The following ABCA1 variants were observed in gnomAD, a reference collection of about 807,000 sequenced individuals.
ABCA1 encodes the protein ATP binding cassette subfamily A member 1, also known as phospholipid-transporting ATPase ABCA1.
A neutral mutation model predicts 262.5 loss-of-function variants in ABCA1; 133 were observed. The ratio of observed to expected loss-of-function variants is 0.51; its 90% confidence interval spans 0.44 to 0.59. The LOEUF is 0.59. Among genes scored for constraint, ABCA1 ranks in the 20% least tolerant of loss-of-function variants. ABCA1 has a pLI of 0.00. For missense variants in ABCA1, 2,452 were observed against 2,777.5 expected (o/e 0.88, Z 2.63); for synonymous variants, 1,022 against 1,043.5 (o/e 0.98, Z 0.40).
At chr9:104,847,356 T>C (rs1055251322) in intron 7 of ABCA1, among the ~76,000 whole-genome samples, 1 of 152,200 alleles carries the variant, frequency 6.6e-6, no homozygotes, top group Non-Finnish European at 1.5e-5. Flanking sequence ...AAGTTTAAAA[T>C]GCTGTGCACA....
intron 7 of ABCA1, among the ~76,000 whole-genome samples, chr9:104,849,415 A>G (rs1835185674): frequency 1.3e-5 from 2 of 152,240 alleles, no homozygotes; most frequent in Admixed American, 6.5e-5. Context: ...TTGGTCTCCA[A>G]CAGAAACATT....
At chr9:104,841,684 G>T (rs1197990040) in intron 8 of ABCA1, among the ~76,000 whole-genome samples, 1 of 152,070 alleles carries the variant, frequency 6.6e-6, no homozygotes, top group Non-Finnish European at 1.5e-5. Context: ...ACAACAGTGT[G>T]TGGTGAGGCA....
intron 5 of ABCA1, among the ~76,000 whole-genome samples, chr9:104,862,772 G>C (rs1170943895): frequency 1.1e-5 from 1 of 91,744 alleles, no homozygotes; most frequent in African/African-American, 3.5e-5. Flanking sequence ...CTGATACAGC[G>C]GCCCTGGGAT....
chr9:104,820,158 T>C, intron 20 of ABCA1, 89 bp from the exon 21 acceptor site: 3 of 1,493,280 alleles, frequency 2.0e-6, no homozygotes, highest in Non-Finnish European at 2.8e-6. Context: ...AGAATGGGCA[T>C]ATTTTTCTCT....
At chr9:104,900,315 A>G (rs1322187741) in intron 2 of ABCA1, among the ~76,000 whole-genome samples, 3 of 152,188 alleles carry the variant, frequency 2.0e-5, no homozygotes, top group African/African-American at 7.2e-5. Flanking sequence ...CCACTCATTC[A>G]GTAAATACTT....
chr9:104,856,943 C>A (rs531467558), intron 7 of ABCA1, among the ~76,000 whole-genome samples: 4 of 152,294 alleles, frequency 2.6e-5, no homozygotes, highest in Admixed American at 6.5e-5. Context: ...AAGTCAGCTT[C>A]TCTAACTTTT....
intron 5 of ABCA1, among the ~76,000 whole-genome samples, chr9:104,877,167 T>C (rs1238314505): frequency 6.6e-6 from 1 of 152,208 alleles, no homozygotes; most frequent in Non-Finnish European, 1.5e-5. Flanking sequence ...GCCAAGACTT[T>C]TTGAAGAACT....
rs777928184 is a variant in ABCA1, at chr9:104,800,573, T to C, written c.4710A>G (p.Ala1570=). 6.2e-7 allele frequency: 1 copy of C among 1,614,184 alleles called. No individual in the cohort carries two copies. The highest frequency in any genetic ancestry group is 8.5e-7 in the Non-Finnish European group (1 of 1,179,988). The change falls in exon 35 of 50, where the codon GCA becomes GCG. Residue 1570 remains alanine, a synonymous_variant. Transcript: ENST00000374736. The stretch of plus-strand genomic sequence containing the variant: ...TTCCCAAGCTGTTGAGAAATCGATC[T>C]GCAGAACTGTCCTGTAAACAACAGA... The part of the protein sequence containing the change: ...KHLKLAKDSS[A]DRFLNSLGRF...
chr9:104,791,616 G>A (rs1466539728), intron 43 of ABCA1, among the ~76,000 whole-genome samples: 1 of 152,082 alleles, frequency 6.6e-6, no homozygotes, highest in Non-Finnish European at 1.5e-5. Context: ...TAGTAGAGAT[G>A]GGGTTTCACC....
intron 11 of ABCA1, among the ~76,000 whole-genome samples, chr9:104,834,949 T>G (rs1471953999): frequency 1.3e-5 from 2 of 152,106 alleles, no homozygotes; most frequent in Non-Finnish European, 2.9e-5. Flanking sequence ...ATAAACACTC[T>G]TTAAGAGAGG....
Position 104,920,230 on chromosome 9 carries a change from G to A in ABCA1, c.-93+7705C>T, listed in dbSNP as rs577575966. On this transcript the variant is annotated intron_variant, in intron 1 of 49. Transcript: ENST00000374736. Reference sequence around the variant, plus strand: ...AAATTTGGATTATATGAGCCCATGTGTATTTTTTCTGAAGAGAAAATCCGT... The same window carrying A: ...AAATTTGGATTATATGAGCCCATGTATATTTTTTCTGAAGAGAAAATCCGT... Among the ~76,000 whole-genome samples the A allele has an allele frequency of 3.0e-4, 46 of 152,306 alleles. No individual in the cohort carries two copies. The South Asian group carries it at 9.3e-3, about 31-fold the overall frequency.
intron 46 of ABCA1, among the ~76,000 whole-genome samples, chr9:104,787,330 T>A (rs1283420751): frequency 6.6e-6 from 1 of 152,120 alleles, no homozygotes; most frequent in African/African-American, 2.4e-5. Flanking sequence ...GAAGTCAGTA[T>A]AAGATTGGGG....
intron 5 of ABCA1, among the ~76,000 whole-genome samples, chr9:104,877,610 G>A (rs187464933): frequency 5.9e-5 from 9 of 152,398 alleles, no homozygotes; most frequent in Non-Finnish European, 1.2e-4. Flanking sequence ...AGGAACAGAA[G>A]GGGAAGCAAA....
chr9:104,912,995 A>G (rs1279959637), intron 1 of ABCA1, among the ~76,000 whole-genome samples: 2 of 152,180 alleles, frequency 1.3e-5, no homozygotes, highest in African/African-American at 4.8e-5. Context: ...CCCTGCTGTT[A>G]TAGGACGGTT....
chr9:104,817,335 T>C lies in ABCA1; in HGVS notation c.3532A>G (p.Ile1178Val), dbSNP rs963452057. Residue 1178 changes from isoleucine (I) to valine (V), a missense_variant, in exon 24 of 50, where the codon ATC becomes GTC. Physicochemically the swap from Ile to Val is conservative, Grantham distance 29. Around this residue, in one of 4 missense-constraint regions of ABCA1, gnomAD observed 665 missense variants for 727.3 expected, o/e 0.91. Coordinates refer to ENST00000374736, the MANE Select transcript of ABCA1 (RefSeq NM_005502.4). The surrounding 1 kb of genome is among the most constrained non-coding windows in gnomAD (Gnocchi z 4.7). ...GSDHESDTLT[I>V]DVSAISNLIR... The stretch of plus-strand genomic sequence containing the variant: ...TAAGAAACCCCAGAGTCCTTACCGA[T>C]GGTCAGCGTGTCACTCTCATGGTCG... 6.2e-7 allele frequency: 1 copy of C among 1,614,030 alleles called. No homozygotes were observed. The highest frequency in any genetic ancestry group is 1.3e-5 in the African/African-American group (1 of 74,918).
chr9:104,788,736 G>A (rs1170678410), intron 44 of ABCA1, among the ~76,000 whole-genome samples, 169 bp from the exon 45 acceptor site: 2 of 152,122 alleles, frequency 1.3e-5, no homozygotes, highest in African/African-American at 2.4e-5. Context: ...AGCTCTTCCT[G>A]GCAGGCAGGG....
chr9:104,796,873 A>G (rs1829942664), intron 37 of ABCA1, among the ~76,000 whole-genome samples: 2 of 152,256 alleles, frequency 1.3e-5, no homozygotes, highest in Non-Finnish European at 2.9e-5. Flanking sequence ...GAATTGTTTC[A>G]TCGCACTGAG....
At chr9:104,865,534 A>G (rs558611420) in intron 5 of ABCA1, among the ~76,000 whole-genome samples, 1 of 151,400 alleles carries the variant, frequency 6.6e-6, no homozygotes, top group Non-Finnish European at 1.5e-5. Context: ...AAAAAAAAAG[A>G]ATTTAATAAA....
chr9:104,871,944 C>G (rs765033911), intron 5 of ABCA1, among the ~76,000 whole-genome samples: 2 of 152,074 alleles, frequency 1.3e-5, no homozygotes, highest in Non-Finnish European at 2.9e-5. Context: ...AGTCCAGGCA[C>G]AAAAAGAACG....
Sources: gnomAD v4.1 joint callset for allele counts (sites outside exome capture counted in the v4.1 genomes callset) on GRCh38, gnomAD v4.1.1 for gene constraint, gnomAD v4.1.1 regional missense constraint, Gnocchi (gnomAD v3.1) non-coding constraint, MANE v1.5 for transcripts, NCBI Gene and HGNC (gene_info 2026-07-23, HGNC 2026-07-21) for gene names.